CACNA1G: variants seen among roughly 807,000 people sequenced by gnomAD.
CACNA1G encodes calcium voltage-gated channel subunit alpha1 G, also known as voltage-dependent T-type calcium channel subunit alpha-1G.
A neutral mutation model predicts 219.4 loss-of-function variants in CACNA1G; 67 were observed. That is an observed-to-expected ratio of 0.31 (90% CI 0.25 to 0.37). CACNA1G has a LOEUF of 0.37. Among genes scored for constraint, CACNA1G ranks in the 10% least tolerant of loss-of-function variants. CACNA1G has a pLI of 1.00. For missense variants in CACNA1G, 2,380 were observed against 3,231.4 expected (o/e 0.74, Z 6.39); for synonymous variants, 1,296 against 1,345.3 (o/e 0.96, Z 0.80).
chr17:50,578,148 C>T lies in CACNA1G; in HGVS notation c.1925-40C>T, dbSNP rs77218225. On this transcript the variant is annotated intron_variant, in intron 8 of 37. Coordinates refer to ENST00000359106, the MANE Select transcript of CACNA1G (RefSeq NM_018896.5). The surrounding 1 kb of genome is among the most constrained non-coding windows in gnomAD (Gnocchi z 4.5). ...TCACAGGGCAGGGTAGCCCCAGGTACGAGACTCTGGAGCCTCTCACCTCTA... is the reference window on the plus strand; with the variant it reads ...TCACAGGGCAGGGTAGCCCCAGGTATGAGACTCTGGAGCCTCTCACCTCTA... 2.2e-3 allele frequency: 3,280 copies of T among 1,507,160 alleles called. 45 individuals are homozygous for T. The East Asian group carries it at 0.041, about 19-fold the overall frequency. 93.4% of individuals were successfully genotyped at this position (1,507,160 alleles called of 1,614,324 possible).
chr17:50,614,333 CG>C (rs1419323620), intron 26 of CACNA1G, among the ~76,000 whole-genome samples: 2 of 152,148 alleles, frequency 1.3e-5, no homozygotes, highest in Non-Finnish European at 2.9e-5. Flanking sequence ...CCTCCTGAGA[CG>C]GGGAAGGGCT....
Position 50,606,950 on chromosome 17 carries a change from C to G in CACNA1G, c.4473C>G (p.Ile1491Met), listed in dbSNP as rs2048090019. The G allele has an allele frequency of 6.2e-7, 1 of 1,613,846 alleles. No individual in the cohort carries two copies. Among genetic ancestry groups the G allele is most frequent in the Admixed American group, 1.7e-5 (1 of 60,002 alleles). Residue 1491 changes from isoleucine to methionine, a missense_variant, in exon 24 of 38, where the codon ATC becomes ATG. Physicochemically the swap from Ile to Met is conservative, Grantham distance 10 (BLOSUM62 1). Coordinates refer to ENST00000359106, the MANE Select transcript of CACNA1G (RefSeq NM_018896.5). ...CCTCCAAGGATGGTTGGGTGGACAT[C>G]ATGTACGATGGGCTGGATGCTGTGG... ...VLASKDGWVD[I>M]MYDGLDAVGV...
At position 50,617,814 on chromosome 17, in the gene CACNA1G, C is replaced by T. The variant is rs200939206; in HGVS notation, c.5156-45C>T. The T allele has an allele frequency of 9.8e-5, 157 of 1,601,288 alleles. No homozygotes were observed. The highest frequency in any genetic ancestry group is 5.6e-5 in the Non-Finnish European group (66 of 1,171,584). On this transcript the variant is annotated intron_variant, in intron 29 of 37. Transcript: ENST00000359106. The surrounding 1 kb of genome is among the most constrained non-coding windows in gnomAD (Gnocchi z 5.8). Reference sequence around the variant, plus strand: ...GTCCTGACTCTGCCAGCTGTCTGGCCGGGGACCCAAAGAGGCCAGCTCATG... The same window carrying T: ...GTCCTGACTCTGCCAGCTGTCTGGCTGGGGACCCAAAGAGGCCAGCTCATG...
chr17:50,609,644 G>GACCCTCCCGGTGCCTC (rs1205067042), intron 25 of CACNA1G, among the ~76,000 whole-genome samples: 1 of 152,198 alleles, frequency 6.6e-6, no homozygotes, highest in African/African-American at 2.4e-5. Flanking sequence ...CCGGCTGCCT[G>GACCCTCCCGGTGCCTC]CCCCTCCCGG....
At chr17:50,577,660 CAT>C (rs773044391) in intron 8 of CACNA1G, among the ~76,000 whole-genome samples, 224 of 151,768 alleles carry the variant, frequency 1.5e-3, no homozygotes, top group Non-Finnish European at 2.1e-3. Flanking sequence ...TTTGTGCACA[CAT>C]GTGTTGGTAT....
intron 1 of CACNA1G, among the ~76,000 whole-genome samples, chr17:50,562,807 A>C (rs1411707806): frequency 6.6e-6 from 1 of 152,150 alleles, no homozygotes; most frequent in African/African-American, 2.4e-5. Flanking sequence ...AGGGAGATGG[A>C]TTTAGCACTG....
At chr17:50,597,078 G>A (rs571260049) in intron 16 of CACNA1G, among the ~76,000 whole-genome samples, 155 bp downstream of exon 16, 4 of 152,212 alleles carry the variant, frequency 2.6e-5, no homozygotes, top group East Asian at 1.9e-4. Flanking sequence ...GGGAATCTGC[G>A]CCGGTGATGC....
At chr17:50,607,448 G>A (rs962179654) in intron 24 of CACNA1G, 3 of 331,472 alleles carry the variant, frequency 9.1e-6, no homozygotes, top group African/African-American at 4.3e-5. Flanking sequence ...AGCTGTGATC[G>A]CACCACTGCA....
intron 22 of CACNA1G, among the ~76,000 whole-genome samples, chr17:50,604,955 C>T (rs1391439934): frequency 6.6e-6 from 1 of 152,188 alleles, no homozygotes; most frequent in Non-Finnish European, 1.5e-5. Context: ...CCTCCCCGCC[C>T]CTCGTTCCCT....
In CACNA1G at chr17:50,572,539, C is replaced by T. The variant is rs535250952; in HGVS notation, c.747-15C>T. The T allele has an allele frequency of 6.8e-5, 103 of 1,517,690 alleles. No homozygotes were observed. The highest frequency in any genetic ancestry group is 6.2e-4 in the African/African-American group (45 of 72,638). 94.0% of individuals were successfully genotyped at this position (1,517,690 alleles called of 1,614,324 possible). On this transcript the variant is annotated splice_polypyrimidine_tract_variant and intron_variant, in intron 5 of 37. Coordinates refer to ENST00000359106, the MANE Select transcript of CACNA1G (RefSeq NM_018896.5). ...ACTCCCCAGTCTCACCCCTGTTCCC[C>T]TTCCCATCCTGCAGCCCCCTGAGCG...
At position 50,615,974 on chromosome 17, in the gene CACNA1G, G is replaced by A. The variant is rs147072838; in HGVS notation, c.4912-301G>A. On this transcript the variant is annotated intron_variant, in intron 27 of 37. Transcript: ENST00000359106. ...CCAATGAGGGGGTTGAATTTGTAAT[G>A]CACAAGGCCCCTTCCAGTCCTGGCA... 7.7e-3 allele frequency among the ~76,000 whole-genome samples: 1,166 copies of A among 152,282 alleles called. 54 individuals carry two copies. Among genetic ancestry groups the A allele is most frequent in the Admixed American group, 0.07 (1,066 of 15,284 alleles).
chr17:50,593,957 T>C (rs980953479), intron 13 of CACNA1G, among the ~76,000 whole-genome samples: 3 of 152,216 alleles, frequency 2.0e-5, no homozygotes, highest in African/African-American at 7.2e-5. Context: ...GGGTAAGGTT[T>C]CAGGGGGCCC....
chr17:50,624,263 G>A (rs1456561170), intron 36 of CACNA1G, 97 bp from the exon 37 acceptor site: 2 of 1,273,628 alleles, frequency 1.6e-6, no homozygotes, highest in African/African-American at 3.0e-5. Flanking sequence ...ATGAGGGGGA[G>A]AGAGTGGAAG....
At position 50,600,992 on chromosome 17, in the gene CACNA1G, C is replaced by A. The variant is rs572792407; in HGVS notation, c.3792-59C>A. The A allele has an allele frequency of 7.8e-5, 124 of 1,598,124 alleles. No individual in the cohort carries two copies. In the East Asian group the frequency reaches 1.4e-3, roughly 18 times the overall value. On this transcript the variant is annotated intron_variant, in intron 18 of 37. Coordinates refer to ENST00000359106, the MANE Select transcript of CACNA1G (RefSeq NM_018896.5). The surrounding 1 kb of genome is among the most constrained non-coding windows in gnomAD (Gnocchi z 4.1). The stretch of plus-strand genomic sequence containing the variant: ...GGAGGGGCAGGGGCTGCGGGCGGTG[C>A]CTCTCGTTGCCACCTGCCCTGCCTC...
chr17:50,617,585 C>G lies in CACNA1G; in HGVS notation c.5155+14C>G. The G allele has an allele frequency of 6.2e-7, 1 of 1,613,040 alleles. No individual in the cohort carries two copies. The highest frequency in any genetic ancestry group is 8.5e-7 in the Non-Finnish European group (1 of 1,179,346). ...GCATTGCCCGAGGTTGGTGCCCAGC[C>G]CACGCACCTGCCCTCCTAGGGTGAC... On this transcript the variant is annotated intron_variant, in intron 29 of 37. Coordinates refer to ENST00000359106, the MANE Select transcript of CACNA1G (RefSeq NM_018896.5). This position sits in a 1 kb window ranked among gnomAD's most constrained non-coding sequence, Gnocchi z 5.8.
chr17:50,614,188 A>C (rs2049919138), intron 26 of CACNA1G, among the ~76,000 whole-genome samples: 1 of 152,158 alleles, frequency 6.6e-6, no homozygotes, highest in South Asian at 2.1e-4. Flanking sequence ...CTCTCTGTTC[A>C]ATGGTCCTGT....
chr17:50,577,847 T>TGTA (rs887958147), intron 8 of CACNA1G, among the ~76,000 whole-genome samples: 2 of 152,124 alleles, frequency 1.3e-5, no homozygotes, highest in Non-Finnish European at 2.9e-5. Context: ...ACAGTGTTGA[T>TGTA]GTAGTCCTGG....
rs530521318 is a variant in CACNA1G at position 50,578,303 on chromosome 17, C to T, written c.2040C>T (p.Leu680=). ...GGGCCGGGGCAGGGGAGGTGGAGCTCGCCGACCGTGAAATGCCTGACTCAG... is the reference window on the plus strand; with the variant it reads ...GGGCCGGGGCAGGGGAGGTGGAGCTTGCCGACCGTGAAATGCCTGACTCAG... ...CARAGAGEVE[L]ADREMPDSDS... is the part of the protein sequence containing the mutation. The change falls in exon 9 of 38, where the codon CTC becomes CTT. Residue 680 remains leucine, a synonymous_variant. Coordinates refer to ENST00000359106, the MANE Select transcript of CACNA1G (RefSeq NM_018896.5). This position sits in a 1 kb window ranked among gnomAD's most constrained non-coding sequence, Gnocchi z 4.5. 4.8e-5 allele frequency: 78 copies of T among 1,613,080 alleles called. 1 individual carries two copies. The highest frequency in any genetic ancestry group is 5.6e-5 in the Non-Finnish European group (66 of 1,179,850).
chr17:50,592,965 A>T (rs556284723), intron 13 of CACNA1G, among the ~76,000 whole-genome samples: 1 of 152,300 alleles, frequency 6.6e-6, no homozygotes, highest in South Asian at 2.1e-4. Flanking sequence ...CCAGTCTTTC[A>T]AGGGAGGGCT....
Sources: gnomAD v4.1 joint callset for allele counts (sites outside exome capture counted in the v4.1 genomes callset) on GRCh38, gnomAD v4.1.1 for gene constraint, Gnocchi (gnomAD v3.1) non-coding constraint, MANE v1.5 for transcripts, NCBI Gene and HGNC (gene_info 2026-07-23, HGNC 2026-07-21) for gene names.